Variants in NRXN3 observed in about 807,000 individuals in gnomAD.
The protein encoded by NRXN3 is neurexin 3, also known as neurexin III.
A neutral mutation model predicts 137.6 loss-of-function variants in NRXN3; 32 were observed. The ratio of observed to expected loss-of-function variants is 0.23; its 90% CI spans 0.18 to 0.31. The LOEUF is 0.31. NRXN3 is among the 10% of genes least tolerant of loss of function. The probability of loss-of-function intolerance (pLI) is 1.00; values close to 1 mark genes in which losing one functional copy is unlikely to be tolerated. For missense variants in NRXN3, 1,574 were observed against 2,062.5 expected (o/e 0.76, Z 4.59); for synonymous variants, 798 against 784.5 (o/e 1.02, Z -0.29).
intron 4 of NRXN3, among the ~76,000 whole-genome samples, chr14:78,380,070 GAAATA>G (rs779556867): frequency 3.9e-5 from 6 of 151,946 alleles, no homozygotes; most frequent in Non-Finnish European, 8.8e-5. Flanking sequence ...AATGCTAAAA[GAAATA>G]AAATCTAAAA....
chr14:78,335,033 G>C (rs1240039421), intron 4 of NRXN3, among the ~76,000 whole-genome samples: 1 of 152,132 alleles, frequency 6.6e-6, no homozygotes, highest in African/African-American at 2.4e-5. Context: ...TCATAAATGA[G>C]GGGAGGCGTC....
At chr14:79,840,134 T>C (rs953110388) in intron 20 of NRXN3, among the ~76,000 whole-genome samples, 24 of 152,118 alleles carry the variant, frequency 1.6e-4, no homozygotes, top group African/African-American at 5.8e-4. Flanking sequence ...TTTAGTCCAG[T>C]TGGGTCTAGA....
At chr14:79,136,442 C>G (rs1310149165) in intron 15 of NRXN3, among the ~76,000 whole-genome samples, 3 of 152,188 alleles carry the variant, frequency 2.0e-5, no homozygotes, top group African/African-American at 7.2e-5. Context: ...TATATACACT[C>G]AAAATGAATA....
chr14:79,035,853 A>T (rs1223290779), intron 15 of NRXN3, among the ~76,000 whole-genome samples: 4 of 151,962 alleles, frequency 2.6e-5, no homozygotes, highest in Admixed American at 6.6e-5. Context: ...TTTGTGGGGG[A>T]TGGATGGAAC....
At chr14:78,919,759 A>G (rs2152818311) in intron 10 of NRXN3, among the ~76,000 whole-genome samples, 1 of 152,356 alleles carries the variant, frequency 6.6e-6, no homozygotes, top group South Asian at 2.1e-4. Context: ...CCTTATTACT[A>G]TAATGGTCAT....
In NRXN3 at chr14:79,828,007, T is replaced by C. The variant is rs575263443; in HGVS notation, c.4093+22817T>C. On this transcript the variant is annotated intron_variant, in intron 20 of 20. Transcript: ENST00000335750. The stretch of plus-strand genomic sequence containing the variant: ...CACAGCACCTGGCCGCCACAAACTT[T>C]TATATGACCGGATCTCACTGTCATG... 1.6e-3 allele frequency among the ~76,000 whole-genome samples: 239 copies of C among 152,176 alleles called. 1 individual carries two copies. Among genetic ancestry groups the C allele is most frequent in the East Asian group, 3.9e-3 (20 of 5,150 alleles).
intron 4 of NRXN3, among the ~76,000 whole-genome samples, chr14:78,505,609 G>A (rs988366973): frequency 3.3e-5 from 5 of 152,008 alleles, no homozygotes; most frequent in African/African-American, 7.2e-5. Context: ...TAATCATTTC[G>A]CATTGTATAC....
intron 16 of NRXN3, among the ~76,000 whole-genome samples, chr14:79,542,076 T>C (rs376712078): frequency 1.3e-5 from 2 of 152,194 alleles, no homozygotes; most frequent in Non-Finnish European, 2.9e-5. Flanking sequence ...TGCTATTTTG[T>C]GGGTGAAGCA....
At chr14:79,668,929 T>C (rs1452922634) in intron 17 of NRXN3, among the ~76,000 whole-genome samples, 2 of 149,910 alleles carry the variant, frequency 1.3e-5, no homozygotes, top group African/African-American at 2.4e-5. Flanking sequence ...ATAAGAAAGA[T>C]TTTTTTTTTG....
In NRXN3 at chr14:78,908,656, T is replaced by A. The variant is rs544180461; in HGVS notation, c.2276-48586T>A. 1.6e-4 allele frequency among the ~76,000 whole-genome samples: 25 copies of A among 152,238 alleles called. No homozygotes were observed. In the South Asian group the frequency reaches 4.8e-3, roughly 29 times the overall value. Reference sequence around the variant, plus strand: ...AAGATAAACTTGTACTAACTTCTTGTAACATGTCTGAACAGGATCTAGTTT... The same window carrying A: ...AAGATAAACTTGTACTAACTTCTTGAAACATGTCTGAACAGGATCTAGTTT... On this transcript the variant is annotated intron_variant, in intron 10 of 20. Coordinates refer to ENST00000335750, the MANE Select transcript of NRXN3 (RefSeq NM_001330195.2).
chr14:79,440,539 A>T (rs2095918999), intron 15 of NRXN3, among the ~76,000 whole-genome samples: 1 of 152,168 alleles, frequency 6.6e-6, no homozygotes, highest in South Asian at 2.1e-4. Flanking sequence ...GTATGTTTAC[A>T]ATATCTTTTC....
At chr14:78,700,282 A>G (rs2098266631) in intron 6 of NRXN3, among the ~76,000 whole-genome samples, 1 of 152,198 alleles carries the variant, frequency 6.6e-6, no homozygotes, top group South Asian at 2.1e-4. Context: ...GTTAGAGGAT[A>G]AGAAAAGTGG....
chr14:79,634,126 T>A (rs2098384351), intron 16 of NRXN3, among the ~76,000 whole-genome samples: 1 of 152,330 alleles, frequency 6.6e-6, no homozygotes, highest in South Asian at 2.1e-4. Context: ...ACAGCTGTGA[T>A]TGGAGCAAGA....
chr14:79,754,235 G>A lies in NRXN3; in HGVS notation c.4015-50877G>A, dbSNP rs146265023. Among the ~76,000 whole-genome samples the A allele has an allele frequency of 4.7e-3, 718 of 151,954 alleles. 1 individual carries two copies. The highest frequency in any genetic ancestry group is 0.025 in the South Asian group (118 of 4,808). ...CACATGGCTGTAATCCCAGCTGCTC[G>A]GGAGGCTGAGGCATAAGAATCACTT... On this transcript the variant is annotated intron_variant, in intron 19 of 20. Transcript: ENST00000335750.
intron 15 of NRXN3, among the ~76,000 whole-genome samples, chr14:79,040,014 A>T (rs954646264): frequency 1.3e-5 from 2 of 152,170 alleles, no homozygotes; most frequent in African/African-American, 4.8e-5. Flanking sequence ...CTTTCTTCAG[A>T]TCTCAAATTA....
intron 15 of NRXN3, among the ~76,000 whole-genome samples, chr14:79,068,092 A>G (rs1187528824): frequency 6.6e-6 from 1 of 152,024 alleles, no homozygotes; most frequent in Non-Finnish European, 1.5e-5. Flanking sequence ...AGAGACCTGG[A>G]AAAATATCTG....
At chr14:78,612,870 A>C (rs2097311809) in intron 4 of NRXN3, among the ~76,000 whole-genome samples, 1 of 151,694 alleles carries the variant, frequency 6.6e-6, no homozygotes, top group Admixed American at 6.6e-5. Context: ...GAGAAAGCTA[A>C]GGAAAACCAG....
rs528225742 is a variant in NRXN3, at chr14:78,591,180, C to T, written c.758-53940C>T. Among the ~76,000 whole-genome samples the T allele has an allele frequency of 5.9e-5, 9 of 152,278 alleles. 1 individual carries two copies. The highest frequency in any genetic ancestry group is 1.7e-4 in the African/African-American group (7 of 41,564). On this transcript the variant is annotated intron_variant, in intron 4 of 20. Coordinates refer to ENST00000335750, the MANE Select transcript of NRXN3 (RefSeq NM_001330195.2). ...TCTGAGCAGGATGGCCTGTGGGAGTCGAGTGGTCAGTTGCCATGGTTAGCA... is the reference window on the plus strand; with the variant it reads ...TCTGAGCAGGATGGCCTGTGGGAGTTGAGTGGTCAGTTGCCATGGTTAGCA...
chr14:78,822,863 A>G (rs1192303438), intron 10 of NRXN3, among the ~76,000 whole-genome samples: 3 of 152,160 alleles, frequency 2.0e-5, no homozygotes, highest in Admixed American at 6.5e-5. Flanking sequence ...TAATGCCTAA[A>G]TGAATGAAAT....
Sources: gnomAD v4.1 joint callset for allele counts (sites outside exome capture counted in the v4.1 genomes callset) on GRCh38, gnomAD v4.1.1 for gene constraint, MANE v1.5 for transcripts, NCBI Gene and HGNC (gene_info 2026-07-23, HGNC 2026-07-21) for gene names.